Variants in ZBTB8OS observed in about 807,000 individuals in gnomAD.
ZBTB8OS encodes tRNA splicing ligase complex subunit 1.
ZBTB8OS carries 16 observed loss-of-function variants against 29.3 expected under a neutral mutation model. The observed-to-expected ratio is 0.55, with a 90% CI of 0.37 to 0.83. ZBTB8OS has a LOEUF of 0.83. Among genes scored for constraint, ZBTB8OS ranks in the 40% least tolerant of loss-of-function variants. The pLI, the probability that ZBTB8OS is intolerant of heterozygous loss-of-function variation, is 0.00. For missense variants in ZBTB8OS, 160 were observed against 196.9 expected (o/e 0.81, Z 1.12); for synonymous variants, 70 against 64.6 (o/e 1.08, Z -0.40).
At chr1:32,622,174 G>A (rs1456662912) in intron 6 of ZBTB8OS, among the ~76,000 whole-genome samples, 1 of 152,134 alleles carries the variant, frequency 6.6e-6, no homozygotes, top group East Asian at 1.9e-4. Flanking sequence ...TCTAATCCTG[G>A]CTTTGTTTCC....
At chr1:32,639,934 T>C (rs1406397562) in intron 1 of ZBTB8OS, 3 of 152,322 alleles carry the variant, frequency 2.0e-5, no homozygotes, top group East Asian at 1.9e-4. Flanking sequence ...AATAGCTTTT[T>C]CAAATAATTG....
intron 1 of ZBTB8OS, among the ~76,000 whole-genome samples, chr1:32,647,596 T>C (rs1646955750): frequency 6.6e-6 from 1 of 152,144 alleles, no homozygotes. Context: ...TTGCTAACAT[T>C]ACTGCCTGAG....
At chr1:32,627,616 T>C in intron 5 of ZBTB8OS, 72 bp from the exon 6 acceptor site, 3 of 1,475,232 alleles carry the variant, frequency 2.0e-6, no homozygotes, top group Admixed American at 1.8e-5. Flanking sequence ...GCCTTGTAAA[T>C]GTGGTTAACA....
chr1:32,645,426 T>C (rs1436962286), intron 1 of ZBTB8OS, among the ~76,000 whole-genome samples: 1 of 152,048 alleles, frequency 6.6e-6, no homozygotes, highest in East Asian at 1.9e-4. Context: ...AGCTTGAGCC[T>C]AGGAGCTCAA....
intron 1 of ZBTB8OS, among the ~76,000 whole-genome samples, chr1:32,644,822 G>A (rs1646716517): frequency 6.7e-6 from 1 of 150,042 alleles, no homozygotes; most frequent in Non-Finnish European, 1.5e-5. Flanking sequence ...TAGGATTATA[G>A]GCACGAGCCA....
At chr1:32,640,646 G>T (rs1426964975) in intron 1 of ZBTB8OS, among the ~76,000 whole-genome samples, 1 of 151,924 alleles carries the variant, frequency 6.6e-6, no homozygotes, top group Non-Finnish European at 1.5e-5. Context: ...CTCCCAAGTG[G>T]TAAGGACTAC....
intron 1 of ZBTB8OS, among the ~76,000 whole-genome samples, chr1:32,636,623 G>A (rs1353904311): frequency 1.3e-5 from 2 of 151,474 alleles, no homozygotes; most frequent in African/African-American, 4.9e-5. Context: ...CCAGGAGACG[G>A]AGGTTGCAGT....
chr1:32,638,381 C>T (rs555102544), intron 1 of ZBTB8OS, among the ~76,000 whole-genome samples: 48 of 151,452 alleles, frequency 3.2e-4, no homozygotes, highest in Non-Finnish European at 3.8e-4. Flanking sequence ...TTAGTAGAGA[C>T]GGGGTTTCAC....
chr1:32,648,697 C>G (rs189599175), intron 1 of ZBTB8OS, among the ~76,000 whole-genome samples: 5 of 152,078 alleles, frequency 3.3e-5, no homozygotes, highest in Admixed American at 6.6e-5. Flanking sequence ...CTGGCTCTGT[C>G]GCCCAGGCTG....
chr1:32,642,963 GT>G (rs1257452944), intron 1 of ZBTB8OS, among the ~76,000 whole-genome samples: 1 of 147,866 alleles, frequency 6.8e-6, no homozygotes, highest in Non-Finnish European at 1.5e-5. Context: ...TAGAGACAGA[GT>G]TTCACCATGT....
At chr1:32,649,633 A>AACACACACACACAC (rs962422171) in intron 1 of ZBTB8OS, among the ~76,000 whole-genome samples, 11 of 54,092 alleles carry the variant, frequency 2.0e-4, no homozygotes, top group African/African-American at 4.8e-4. Flanking sequence ...CATCTCTAAA[A>AACACACACACACAC]ACACACACAC....
At chr1:32,639,209 A>T (rs1172044920) in intron 1 of ZBTB8OS, among the ~76,000 whole-genome samples, 4 of 151,278 alleles carry the variant, frequency 2.6e-5, no homozygotes, top group African/African-American at 4.9e-5. Context: ...GAGGCAGAAG[A>T]GCTGCTTGGA....
intron 1 of ZBTB8OS, among the ~76,000 whole-genome samples, chr1:32,637,640 G>A (rs976839357): frequency 3.3e-5 from 5 of 152,034 alleles, no homozygotes; most frequent in African/African-American, 1.2e-4. Context: ...AAGCTATGGT[G>A]GTAGAAAACA....
At position 32,621,260 on chromosome 1, in the gene ZBTB8OS, A is replaced by T. The variant is rs180758820; in HGVS notation, c.*602T>A. Reference sequence around the variant, plus strand: ...CTAAAGATACAAAAATTAGCCGGGCATGGTGGCGGGTGCCTATAGTCCCAG... The same window carrying T: ...CTAAAGATACAAAAATTAGCCGGGCTTGGTGGCGGGTGCCTATAGTCCCAG... On this transcript the variant is annotated 3_prime_UTR_variant, in exon 7 of 7. Transcript: ENST00000468695. 3 of 152,470 alleles carry T rather than the reference A, an allele frequency of 2.0e-5. No homozygotes were observed. The highest frequency in any genetic ancestry group is 4.4e-5 in the Non-Finnish European group (3 of 68,232). The allele number at this position is 152,470 out of a possible 1,614,324, so 9.4% of individuals were successfully genotyped here. A position where few individuals can be genotyped will look rare whatever the true frequency, so the allele number is the denominator to read the frequency against.
rs781032232 is a variant in ZBTB8OS, at chr1:32,621,965, A to AG, written c.418-18dup. On this transcript the variant is annotated splice_polypyrimidine_tract_variant and intron_variant, in intron 6 of 6. Coordinates refer to ENST00000468695, the MANE Select transcript of ZBTB8OS (RefSeq NM_178547.5). Reference sequence around the variant, plus strand: ...TTCTGTTCCCTAAAGTTGGGGTTAGAGAAAAAAAAAAAAAAAAGGAAAATA... The same window carrying AG: ...TTCTGTTCCCTAAAGTTGGGGTTAGAGGAAAAAAAAAAAAAAAAGGAAAATA... 2.9e-5 allele frequency: 40 copies of AG among 1,383,596 alleles called. No homozygotes were observed. Among genetic ancestry groups the AG allele is most frequent in the African/African-American group, 3.0e-5 (2 of 65,824 alleles). 85.7% of individuals were successfully genotyped at this position (1,383,596 alleles called of 1,614,324 possible).
chr1:32,649,607 C>G (rs1236493903), intron 1 of ZBTB8OS, among the ~76,000 whole-genome samples: 1 of 150,030 alleles, frequency 6.7e-6, no homozygotes, highest in African/African-American at 2.5e-5. Context: ...CCAGCCTGGA[C>G]GACAGAGCGA....
chr1:32,645,076 G>A (rs913170693), intron 1 of ZBTB8OS, among the ~76,000 whole-genome samples: 4 of 152,014 alleles, frequency 2.6e-5, no homozygotes, highest in Non-Finnish European at 5.9e-5. Flanking sequence ...CTACTCAGGA[G>A]GCTGAGGCAG....
Position 32,633,497 on chromosome 1 carries a change from C to T in ZBTB8OS, c.327+148G>A, listed in dbSNP as rs1242778699. 5 of 579,062 alleles carry T rather than the reference C, an allele frequency of 8.6e-6. No individual in the cohort carries two copies. In the South Asian group the frequency reaches 1.0e-4, roughly 12 times the overall value. 35.9% of individuals were successfully genotyped at this position (579,062 alleles called of 1,614,324 possible). A position where few individuals can be genotyped will look rare whatever the true frequency, so the allele number is the denominator to read the frequency against. On this transcript the variant is annotated intron_variant, in intron 4 of 6. Transcript: ENST00000468695. ...AAATGCAGGTTAACCAGGAAGTGCC[C>T]GTGGTCATTATAATCTCTGCAAATC... is the stretch of plus-strand genomic sequence containing the variant.
intron 4 of ZBTB8OS, among the ~76,000 whole-genome samples, chr1:32,632,864 G>C (rs1645681575): frequency 2.0e-5 from 3 of 152,104 alleles, no homozygotes; most frequent in Non-Finnish European, 4.4e-5. Flanking sequence ...TGGTGGAGGA[G>C]GACGACATAG....
Sources: gnomAD v4.1 joint callset for allele counts (sites outside exome capture counted in the v4.1 genomes callset) on GRCh38, gnomAD v4.1.1 for gene constraint, MANE v1.5 for transcripts, NCBI Gene and HGNC (gene_info 2026-07-23, HGNC 2026-07-21) for gene names.